The following RBMS3 variants were observed in gnomAD, a reference collection of about 807,000 sequenced individuals.
RBMS3 encodes RNA binding motif single stranded interacting protein 3, also known as RNA-binding motif, single-stranded-interacting protein 3.
RBMS3 carries 27 observed loss-of-function variants against 66.8 expected under a neutral mutation model. That is an observed-to-expected ratio of 0.40 (90% confidence interval 0.30 to 0.56). The LOEUF is 0.56. Ranked by LOEUF, RBMS3 falls within the 20% of genes least tolerant of loss-of-function variation. The pLI is 0.40. For synonymous variants in RBMS3, 188 were observed against 183.0 expected (o/e 1.03, Z -0.22); for missense variants, 513 against 549.5 (o/e 0.93, Z 0.66).
intron 5 of RBMS3, among the ~76,000 whole-genome samples, chr3:29,758,529 A>C (rs1475521073): frequency 6.6e-6 from 1 of 152,204 alleles, no homozygotes; most frequent in African/African-American, 2.4e-5. Flanking sequence ...GCTGAGCAAG[A>C]TACCCTCAAA....
chr3:29,389,473 T>C (rs993693717), intron 1 of RBMS3, among the ~76,000 whole-genome samples: 3 of 152,192 alleles, frequency 2.0e-5, no homozygotes, highest in African/African-American at 7.2e-5. Context: ...TCACAATGCA[T>C]TGAACATCCT....
At chr3:29,781,872 C>A (rs1485484768) in intron 6 of RBMS3, among the ~76,000 whole-genome samples, 2 of 152,058 alleles carry the variant, frequency 1.3e-5, no homozygotes, top group Non-Finnish European at 2.9e-5. Context: ...GGCTTTCCCC[C>A]ACTTCCCTGG....
chr3:29,476,201 T>C (rs2042941154), intron 2 of RBMS3, among the ~76,000 whole-genome samples: 1 of 152,200 alleles, frequency 6.6e-6, no homozygotes, highest in Admixed American at 6.5e-5. Flanking sequence ...TTGATTATGC[T>C]TTATGGAATC....
intron 7 of RBMS3, among the ~76,000 whole-genome samples, chr3:29,883,706 T>TA (rs1227733973): frequency 7.9e-5 from 12 of 152,160 alleles, no homozygotes; most frequent in South Asian, 2.1e-4. Flanking sequence ...CCCTTAGGCA[T>TA]ATGGTCTATT....
intron 10 of RBMS3, among the ~76,000 whole-genome samples, chr3:29,906,749 C>A (rs140726501): frequency 2.0e-5 from 3 of 151,898 alleles, no homozygotes; most frequent in East Asian, 1.9e-4. Flanking sequence ...AAGATTAGTA[C>A]AGTTAATATC....
At chr3:29,325,856 A>G (rs1226604866) in intron 1 of RBMS3, among the ~76,000 whole-genome samples, 1 of 152,140 alleles carries the variant, frequency 6.6e-6, no homozygotes, top group African/African-American at 2.4e-5. Context: ...GGCATCAAAA[A>G]TCTATCATCA....
At chr3:29,785,961 AG>A (rs2056802922) in intron 6 of RBMS3, among the ~76,000 whole-genome samples, 1 of 152,112 alleles carries the variant, frequency 6.6e-6, no homozygotes. Context: ...TCACCCAAAG[AG>A]CTGCTAGAAC....
At chr3:29,745,782 A>G (rs1286386265) in intron 5 of RBMS3, among the ~76,000 whole-genome samples, 1 of 152,040 alleles carries the variant, frequency 6.6e-6, no homozygotes, top group African/African-American at 2.4e-5. Context: ...TCTGATTCTC[A>G]TGGAGCTTTG....
intron 14 of RBMS3, among the ~76,000 whole-genome samples, chr3:29,998,819 A>G (rs1333084255): frequency 6.6e-6 from 1 of 152,222 alleles, no homozygotes; most frequent in Non-Finnish European, 1.5e-5. Context: ...TAAAAACTCT[A>G]GAAGAAAACC....
chr3:29,857,316 C>T (rs1176897069), intron 6 of RBMS3, among the ~76,000 whole-genome samples: 1 of 152,006 alleles, frequency 6.6e-6, no homozygotes, highest in Non-Finnish European at 1.5e-5. Context: ...TAAGTGAATG[C>T]TCTACTAGAA....
chr3:29,422,606 TATA>T (rs1417389872), intron 1 of RBMS3, among the ~76,000 whole-genome samples: 1 of 152,056 alleles, frequency 6.6e-6, no homozygotes, highest in Non-Finnish European at 1.5e-5. Context: ...TTATAAAAAT[TATA>T]ATAAATTTGA....
chr3:29,864,852 G>A (rs2059309278), intron 6 of RBMS3, among the ~76,000 whole-genome samples: 2 of 143,420 alleles, frequency 1.4e-5, no homozygotes, highest in Admixed American at 7.0e-5. Flanking sequence ...GGAAGGGAAA[G>A]GGAAGGGGAA....
At position 29,743,491 on chromosome 3, in the gene RBMS3, A is replaced by G. The variant is rs2054730492; in HGVS notation, c.557+3614A>G. 2.0e-5 allele frequency among the ~76,000 whole-genome samples: 3 copies of G among 152,186 alleles called. No homozygotes were observed. The South Asian group carries it at 6.2e-4, about 31-fold the overall frequency. ...CTTCCTAAAAACTTGTTAGAAATGC[A>G]AATTTCCTGCCCCCAATCTACCGAA... On this transcript the variant is annotated intron_variant, in intron 5 of 14. Transcript: ENST00000383767.
At chr3:29,728,347 C>T (rs2053977623) in intron 4 of RBMS3, among the ~76,000 whole-genome samples, 1 of 152,122 alleles carries the variant, frequency 6.6e-6, no homozygotes, top group Non-Finnish European at 1.5e-5. Context: ...ACGTTCTGCA[C>T]ATGTATCCCA....
chr3:29,764,234 G>A (rs893876332), intron 6 of RBMS3, among the ~76,000 whole-genome samples: 11 of 152,042 alleles, frequency 7.2e-5, no homozygotes, highest in African/African-American at 2.2e-4. Context: ...AGTGAAGACT[G>A]TGCCTTGATT....
intron 10 of RBMS3, among the ~76,000 whole-genome samples, chr3:29,907,663 A>T (rs1440356549): frequency 6.6e-6 from 1 of 152,078 alleles, no homozygotes; most frequent in Non-Finnish European, 1.5e-5. Context: ...TTATCTTGGC[A>T]TCAGTTTTTA....
intron 6 of RBMS3, among the ~76,000 whole-genome samples, chr3:29,863,084 T>A (rs1444360410): frequency 6.6e-6 from 1 of 152,152 alleles, no homozygotes; most frequent in East Asian, 1.9e-4. Flanking sequence ...AATATTTCTC[T>A]TTAGGAAATT....
chr3:29,413,407 TAC>T (rs2040357120), intron 1 of RBMS3, among the ~76,000 whole-genome samples: 13 of 150,950 alleles, frequency 8.6e-5, no homozygotes, highest in African/African-American at 3.2e-4. Flanking sequence ...CATACATACA[TAC>T]ATACATACAT....
intron 3 of RBMS3, among the ~76,000 whole-genome samples, chr3:29,527,890 C>T (rs1373083964): frequency 3.4e-5 from 5 of 149,220 alleles, no homozygotes; most frequent in African/African-American, 9.9e-5. Flanking sequence ...ACATTGTGCA[C>T]ATGTACCCTA....
Sources: allele counts gnomAD v4.1 joint callset (sites outside exome capture counted in the v4.1 genomes callset), GRCh38; gene constraint gnomAD v4.1.1; transcripts MANE v1.5; gene names NCBI Gene and HGNC (gene_info 2026-07-23, HGNC 2026-07-21).